Variants in ROBO1 observed in about 807,000 individuals in gnomAD.
ROBO1 encodes roundabout guidance receptor 1, also known as roundabout homolog 1.
Under a neutral mutation model 195.9 loss-of-function variants are expected in ROBO1, and 149 were observed. That is an observed-to-expected ratio of 0.76 (90% confidence interval 0.67 to 0.87). The LOEUF (loss-of-function observed/expected upper bound fraction) is 0.87, where lower values mean the gene tolerates loss of function less well. ROBO1 is among the 40% of genes least tolerant of loss of function. The pLI, the probability that ROBO1 is intolerant of heterozygous loss-of-function variation, is 0.00. For missense variants in ROBO1, 1,933 were observed against 2,068.3 expected, an observed-to-expected ratio of 0.93 and a Z score of 1.27; for synonymous variants, 816 against 733.2, an observed-to-expected ratio of 1.11 and a Z score of -1.82.
At chr3:78,763,925 G>A (rs333485) in intron 4 of ROBO1, among the ~76,000 whole-genome samples, 8,102 of 152,258 alleles carry the variant, frequency 0.053, 295 homozygotes, top group Middle Eastern at 0.11. Flanking sequence ...GTTAGTGTAT[G>A]AAGTAAAAGT....
intron 1 of ROBO1, among the ~76,000 whole-genome samples, chr3:79,629,424 G>A (rs1201390907): frequency 6.6e-6 from 1 of 151,822 alleles, no homozygotes; most frequent in South Asian, 2.1e-4. Context: ...AAAAAATTAA[G>A]GCAAAACATT....
rs1449013514 is a variant in ROBO1, at chr3:79,200,669, G to A, written c.89-75130C>T. ...CAAAAGCACACAAAAATGTGGATGT[G>A]CAATTTTTGGCCAGAGAATGGCACG... On this transcript the variant is annotated intron_variant, in intron 2 of 30. Coordinates refer to ENST00000464233, the MANE Select transcript of ROBO1 (RefSeq NM_002941.4). Among the ~76,000 whole-genome samples, 3 of 151,788 alleles carry A rather than the reference G, an allele frequency of 2.0e-5. No homozygotes were observed. The East Asian group carries it at 5.8e-4, about 29-fold the overall frequency.
chr3:78,640,749 G>A (rs1288460280), intron 21 of ROBO1, among the ~76,000 whole-genome samples: 3 of 151,904 alleles, frequency 2.0e-5, no homozygotes, highest in African/African-American at 7.3e-5. Context: ...TTCCAGCACC[G>A]ACTTCATACT....
chr3:79,390,007 T>G (rs1021094133), intron 2 of ROBO1, among the ~76,000 whole-genome samples: 1 of 152,134 alleles, frequency 6.6e-6, no homozygotes, highest in African/African-American at 2.4e-5. Flanking sequence ...AATGATGATG[T>G]AAAGAGGTGA....
chr3:79,052,370 G>A (rs1344803196), intron 3 of ROBO1, among the ~76,000 whole-genome samples: 1 of 152,060 alleles, frequency 6.6e-6, no homozygotes, highest in Non-Finnish European at 1.5e-5. Flanking sequence ...CCTGTTTCCT[G>A]TTAAGATGTT....
chr3:79,509,424 G>C (rs1403250739), intron 2 of ROBO1, among the ~76,000 whole-genome samples: 1 of 151,978 alleles, frequency 6.6e-6, no homozygotes, highest in African/African-American at 2.4e-5. Context: ...TGGGATATGG[G>C]GTTAGGTATT....
intron 3 of ROBO1, among the ~76,000 whole-genome samples, chr3:78,970,112 G>A (rs2076731395): frequency 6.6e-6 from 1 of 152,062 alleles, no homozygotes; most frequent in Admixed American, 6.6e-5. Context: ...CATTAAAGGT[G>A]AAGAAAAAGA....
intron 4 of ROBO1, among the ~76,000 whole-genome samples, chr3:78,803,521 T>G (rs1198150786): frequency 6.6e-6 from 1 of 152,134 alleles, no homozygotes; most frequent in Non-Finnish European, 1.5e-5. Context: ...GAAAATAAAG[T>G]GGCCTAGTTT....
rs1210827312 is a variant in ROBO1 at position 78,635,985 on chromosome 3, T to C, written c.3161A>G (p.Asn1054Ser). The part of the protein sequence containing the change: ...SNKINEMKTF[N>S]SPNLKDGRFV... ...ACGCCCATCCTTCAGATTTGGGCTA[T>C]TGAAGGTTTTCATCTCATTGATTTT... Residue 1054 changes from asparagine (N) to serine (S), a missense_variant, in exon 23 of 31, where the codon AAT (asparagine) becomes AGT (serine). Physicochemically the swap from Asn to Ser is conservative, Grantham distance 46. Coordinates refer to ENST00000464233, the MANE Select transcript of ROBO1 (RefSeq NM_002941.4). 9.9e-6 allele frequency: 16 copies of C among 1,613,924 alleles called. No individual in the cohort carries two copies. Among genetic ancestry groups the C allele is most frequent in the Non-Finnish European group, 1.4e-5 (16 of 1,179,840 alleles).
intron 2 of ROBO1, among the ~76,000 whole-genome samples, chr3:79,176,460 A>C (rs1408525160): frequency 2.6e-5 from 4 of 152,070 alleles, no homozygotes; most frequent in Non-Finnish European, 5.9e-5. Flanking sequence ...GAAGATTATT[A>C]TTACTATTAT....
intron 2 of ROBO1, among the ~76,000 whole-genome samples, chr3:79,153,073 C>A (rs986922898): frequency 6.6e-6 from 1 of 151,682 alleles, no homozygotes; most frequent in African/African-American, 2.4e-5. Flanking sequence ...AAAAATACTA[C>A]CTTGCCTGTT....
rs188486600 is a variant in ROBO1, at chr3:79,199,947, C to T, written c.89-74408G>A. Among the ~76,000 whole-genome samples the T allele has an allele frequency of 1.6e-3, 244 of 151,400 alleles. 1 individual carries two copies. Among genetic ancestry groups the T allele is most frequent in the Admixed American group, 3.0e-3 (46 of 15,126 alleles). The stretch of plus-strand genomic sequence containing the variant: ...GTCTAAGAGCTATTTAAATTAAATT[C>T]GAATGGTTATTCTGACTATAAGGAT... On this transcript the variant is annotated intron_variant, in intron 2 of 30. Transcript: ENST00000464233.
chr3:78,802,681 A>T (rs933762093), intron 4 of ROBO1, among the ~76,000 whole-genome samples: 1 of 151,522 alleles, frequency 6.6e-6, no homozygotes, highest in African/African-American at 2.4e-5. Context: ...TCTGGAGAGA[A>T]TGCTATAGAA....
chr3:79,372,129 C>A (rs528891623), intron 2 of ROBO1, among the ~76,000 whole-genome samples: 115 of 151,954 alleles, frequency 7.6e-4, no homozygotes, highest in African/African-American at 2.8e-3. Flanking sequence ...TCCTGCTATG[C>A]GGTCTGGTTC....
At chr3:79,029,801 T>G (rs2078261530) in intron 3 of ROBO1, among the ~76,000 whole-genome samples, 2 of 152,210 alleles carry the variant, frequency 1.3e-5, no homozygotes, top group African/African-American at 4.8e-5. Flanking sequence ...TCTTTACATA[T>G]CAGATTTCTG....
intron 1 of ROBO1, among the ~76,000 whole-genome samples, chr3:79,743,567 T>A (rs1407773337): frequency 6.6e-6 from 1 of 152,216 alleles, no homozygotes; most frequent in Non-Finnish European, 1.5e-5. Flanking sequence ...TCTTTACTAA[T>A]AAATTAACCT....
intron 2 of ROBO1, among the ~76,000 whole-genome samples, chr3:79,396,923 C>A (rs973451827): frequency 5.3e-5 from 8 of 152,180 alleles, no homozygotes; most frequent in Admixed American, 2.6e-4. Flanking sequence ...ACAGCTCATG[C>A]ATACATTCAC....
intron 10 of ROBO1, among the ~76,000 whole-genome samples, chr3:78,677,503 A>C (rs1454795653): frequency 6.6e-6 from 1 of 152,082 alleles, no homozygotes; most frequent in Non-Finnish European, 1.5e-5. Flanking sequence ...TGGAAAACAA[A>C]AAAAGGCAGG....
At chr3:79,106,286 A>C (rs1438276262) in intron 3 of ROBO1, among the ~76,000 whole-genome samples, 1 of 151,702 alleles carries the variant, frequency 6.6e-6, no homozygotes, top group African/African-American at 2.4e-5. Flanking sequence ...GGAAGCAAAA[A>C]GCTACATGTT....
Sources: gnomAD v4.1 joint callset for allele counts (sites outside exome capture counted in the v4.1 genomes callset) on GRCh38, gnomAD v4.1.1 for gene constraint, MANE v1.5 for transcripts, NCBI Gene and HGNC (gene_info 2026-07-23, HGNC 2026-07-21) for gene names.